Variants in LGMN observed in about 807,000 individuals in gnomAD.
The protein encoded by LGMN is asparaginyl endopeptidase.
Under a neutral mutation model 56.8 loss-of-function variants are expected in LGMN, and 36 were observed. That is an observed-to-expected ratio of 0.63 (90% CI 0.49 to 0.84). The LOEUF is 0.84. LGMN is among the 40% of genes least tolerant of loss of function. The probability of loss-of-function intolerance (pLI) is 0.00; values close to 1 mark genes in which losing one functional copy is unlikely to be tolerated. For synonymous variants in LGMN, 199 were observed against 210.1 expected, an observed-to-expected ratio of 0.95 and a Z score of 0.46; for missense variants, 446 against 556.1, an observed-to-expected ratio of 0.80 and a Z score of 1.99.
At chr14:92,745,489 G>A (rs886701218) in intron 1 of LGMN, among the ~76,000 whole-genome samples, 5 of 152,082 alleles carry the variant, frequency 3.3e-5, no homozygotes, top group African/African-American at 7.2e-5. Context: ...CATTACAGAC[G>A]AAATTGTTCC....
chr14:92,745,272 A>C (rs1006242323), intron 1 of LGMN, among the ~76,000 whole-genome samples: 8 of 152,356 alleles, frequency 5.3e-5, no homozygotes, highest in Middle Eastern at 3.4e-3. Flanking sequence ...GGACCAGTGC[A>C]GTTTGCAGCC....
chr14:92,741,182 G>GAC (rs1429004796), intron 1 of LGMN: 2 of 147,430 alleles, frequency 1.4e-5, no homozygotes, highest in Non-Finnish European at 3.0e-5. Flanking sequence ...GTAAGACCCT[G>GAC]TCAAGAAAAG....
intron 10 of LGMN, among the ~76,000 whole-genome samples, chr14:92,710,874 G>A (rs1453690870): frequency 6.6e-6 from 1 of 152,194 alleles, no homozygotes; most frequent in South Asian, 2.1e-4. Flanking sequence ...CTGGGTGCAG[G>A]TCTCATGTCC....
chr14:92,733,546 C>T (rs1179217173), intron 1 of LGMN: 2 of 152,242 alleles, frequency 1.3e-5, no homozygotes, highest in Non-Finnish European at 2.9e-5. Flanking sequence ...TGCAGTGGCT[C>T]ACGCCTGTAA....
intron 2 of LGMN, among the ~76,000 whole-genome samples, chr14:92,728,057 AG>A (rs1443319560): frequency 6.6e-6 from 1 of 152,226 alleles, no homozygotes; most frequent in East Asian, 1.9e-4. Context: ...GCATTCTGAG[AG>A]ATGCTTCACG....
chr14:92,728,087 G>C (rs958671223), intron 2 of LGMN, among the ~76,000 whole-genome samples: 2 of 152,204 alleles, frequency 1.3e-5, no homozygotes, highest in Non-Finnish European at 2.9e-5. Context: ...TTGTCGTTTT[G>C]TGAGTATCAT....
chr14:92,720,190 T>C (rs1890386983), intron 2 of LGMN, among the ~76,000 whole-genome samples: 3 of 152,236 alleles, frequency 2.0e-5, no homozygotes, highest in African/African-American at 7.2e-5. Flanking sequence ...TAGGAAAACA[T>C]TTTTATTGAC....
At chr14:92,709,098 G>A (rs965900697) in intron 11 of LGMN, among the ~76,000 whole-genome samples, 8 of 151,970 alleles carry the variant, frequency 5.3e-5, no homozygotes, top group Admixed American at 5.2e-4. Context: ...TGGAAAGGAC[G>A]GCATAAGCAT....
At chr14:92,717,685 C>T (rs547263694) in intron 3 of LGMN, among the ~76,000 whole-genome samples, 125 of 152,258 alleles carry the variant, frequency 8.2e-4, no homozygotes, top group African/African-American at 2.9e-3. Context: ...GAGCTGAGCC[C>T]GAAAAGCCTC....
intron 11 of LGMN, among the ~76,000 whole-genome samples, chr14:92,707,587 C>G (rs1175177374): frequency 6.6e-6 from 1 of 152,254 alleles, no homozygotes; most frequent in East Asian, 1.9e-4. Context: ...ACATGTAAAG[C>G]AATGCCACTC....
chr14:92,709,662 C>T lies in LGMN; in HGVS notation c.1020+10G>A, dbSNP rs1452398434. 1 of 1,611,624 alleles carries T rather than the reference C, an allele frequency of 6.2e-7. No individual in the cohort carries two copies. Among genetic ancestry groups the T allele is most frequent in the East Asian group, 2.2e-5 (1 of 44,882 alleles). On this transcript the variant is annotated intron_variant, in intron 11 of 13. Transcript: ENST00000334869. ...AGCACCTGGGCACAGCTCCTTTCAC[C>T]ACTACTCACATCCAGATGCCGCTGG...
At chr14:92,740,252 A>AAAAG (rs749775052) in intron 1 of LGMN, among the ~76,000 whole-genome samples, 2 of 152,188 alleles carry the variant, frequency 1.3e-5, no homozygotes, top group East Asian at 1.9e-4. Context: ...CCGTCTCAAA[A>AAAAG]AAAGAAAGAA....
chr14:92,706,367 A>C, intron 12 of LGMN, 116 bp downstream of exon 12: 1 of 840,024 alleles, frequency 1.2e-6, no homozygotes, highest in Non-Finnish European at 1.7e-6. Context: ...AAATGAGCCC[A>C]CTGTTTCTCA....
At chr14:92,738,134 C>G (rs1271319949) in intron 1 of LGMN, among the ~76,000 whole-genome samples, 1 of 152,130 alleles carries the variant, frequency 6.6e-6, no homozygotes, top group African/African-American at 2.4e-5. Context: ...ACGGACACCA[C>G]CTACTTATCC....
At chr14:92,706,201 G>A (rs534753685) in intron 12 of LGMN, among the ~76,000 whole-genome samples, 2 of 152,338 alleles carry the variant, frequency 1.3e-5, no homozygotes, top group South Asian at 4.1e-4. Flanking sequence ...GTTTGGCAGG[G>A]ACAGCAGAAG....
chr14:92,711,885 C>T lies in LGMN; in HGVS notation c.681G>A (p.Thr227=), dbSNP rs527644921. The T allele has an allele frequency of 4.4e-5, 71 of 1,614,204 alleles. 1 individual carries two copies. The South Asian group carries it at 5.6e-4, about 13-fold the overall frequency. Residue 227 remains threonine (T), a synonymous_variant, in exon 9 of 14, where the codon ACG becomes ACA. Transcript: ENST00000334869. ...TGACGCTGTACCAGTCCCCCAGGTACGTGGACCTCTTCTCATCATAGTAAC... is the reference window on the plus strand; with the variant it reads ...TGACGCTGTACCAGTCCCCCAGGTATGTGGACCTCTTCTCATCATAGTAAC... ...YACYYDEKRS[T]YLGDWYSVNW... is the part of the protein sequence containing the mutation.
chr14:92,709,608 C>T (rs1889634316), intron 11 of LGMN, 64 bp downstream of exon 11: 1 of 1,368,130 alleles, frequency 7.3e-7, no homozygotes, highest in Non-Finnish European at 1.0e-6. Context: ...GGGCCGTGCT[C>T]ATGCATGCTG....
At chr14:92,723,349 A>G (rs963495570) in intron 2 of LGMN, among the ~76,000 whole-genome samples, 2 of 152,108 alleles carry the variant, frequency 1.3e-5, no homozygotes, top group African/African-American at 4.8e-5. Context: ...CTGTCCTGCA[A>G]TTCCAACTCT....
chr14:92,719,011 A>C (rs1311197612), intron 2 of LGMN, among the ~76,000 whole-genome samples, 167 bp from the exon 3 acceptor site: 1 of 152,272 alleles, frequency 6.6e-6, no homozygotes, highest in Non-Finnish European at 1.5e-5. Context: ...TTTTATCTCA[A>C]TTTAAAAAGA....
Sources: gnomAD v4.1 joint callset for allele counts (sites outside exome capture counted in the v4.1 genomes callset) on GRCh38, gnomAD v4.1.1 for gene constraint, MANE v1.5 for transcripts, NCBI Gene and HGNC (gene_info 2026-07-23, HGNC 2026-07-21) for gene names.